UEVLD: variants seen among roughly 807,000 people sequenced by gnomAD.
UEVLD encodes the protein UEV and lactate/malate dehyrogenase domains.
Under a neutral mutation model 58.6 loss-of-function variants are expected in UEVLD, and 47 were observed. That is an observed-to-expected ratio of 0.80 (90% CI 0.63 to 1.02). The LOEUF is 1.02. Among genes scored for constraint, UEVLD ranks in the 50% least tolerant of loss-of-function variants. The pLI, the probability that UEVLD is intolerant of heterozygous loss-of-function variation, is 0.00. For missense variants in UEVLD, 510 were observed against 550.6 expected, an observed-to-expected ratio of 0.93 and a Z score of 0.74; for synonymous variants, 197 against 195.3, an observed-to-expected ratio of 1.01 and a Z score of -0.07.
At chr11:18,543,714 A>G (rs181805650) in intron 9 of UEVLD, among the ~76,000 whole-genome samples, 13 of 152,366 alleles carry the variant, frequency 8.5e-5, no homozygotes, top group African/African-American at 2.9e-4. Context: ...TAAATCACTG[A>G]CCAACCTGGC....
chr11:18,578,906 T>TG, intron 1 of UEVLD, 98 bp from the exon 2 acceptor site: 1 of 777,992 alleles, frequency 1.3e-6, no homozygotes. Context: ...CTCACTCTGT[T>TG]GCCCAGGCTG....
At chr11:18,542,194 T>C (rs1851083561) in intron 9 of UEVLD, among the ~76,000 whole-genome samples, 1 of 152,130 alleles carries the variant, frequency 6.6e-6, no homozygotes, top group South Asian at 2.1e-4. Flanking sequence ...ATTATTATTA[T>C]TTTCACATCA....
intron 1 of UEVLD, chr11:18,579,610 T>C (rs1267044818): frequency 4.9e-6 from 2 of 407,256 alleles, no homozygotes; most frequent in Non-Finnish European, 6.6e-6. Context: ...TAGTCAGGTG[T>C]GTGAACTGCC....
Position 18,564,909 on chromosome 11 carries a change from A to C in UEVLD, c.595T>G (p.Leu199Val). 1 of 1,611,128 alleles carries C rather than the reference A, an allele frequency of 6.2e-7. No individual in the cohort carries two copies. Among genetic ancestry groups the C allele is most frequent in the Non-Finnish European group, 8.5e-7 (1 of 1,178,142 alleles). The change falls in exon 6 of 12, where the codon TTA becomes GTA. Residue 199 changes from leucine to valine, a missense_variant. Leu to Val is a conservative substitution (Grantham distance 32). Coordinates refer to ENST00000396197, the MANE Select transcript of UEVLD (RefSeq NM_001040697.4). ...GGGELGIACT[L>V]AISAKGIADR... Reference sequence around the variant, plus strand: ...TTACATACCTTTGCTGAAATTGCTAATGTGCAGGCAATACCGAGTTCTCCA... The same window carrying C: ...TTACATACCTTTGCTGAAATTGCTACTGTGCAGGCAATACCGAGTTCTCCA...
chr11:18,547,500 C>G (rs915094290), intron 7 of UEVLD, among the ~76,000 whole-genome samples: 3 of 152,050 alleles, frequency 2.0e-5, no homozygotes, highest in Non-Finnish European at 2.9e-5. Flanking sequence ...TCCAGAGTCT[C>G]GTGACAGAGT....
intron 11 of UEVLD, among the ~76,000 whole-genome samples, chr11:18,533,421 A>G (rs887894350): frequency 1.3e-5 from 2 of 151,642 alleles, no homozygotes; most frequent in East Asian, 3.9e-4. Context: ...AATATGTGAT[A>G]TTTGTCTTTC....
intron 6 of UEVLD, among the ~76,000 whole-genome samples, chr11:18,560,527 A>G (rs1049644505): frequency 6.6e-6 from 1 of 152,216 alleles, no homozygotes; most frequent in East Asian, 1.9e-4. Context: ...TATAGAAATC[A>G]TCCTACAAAT....
intron 2 of UEVLD, among the ~76,000 whole-genome samples, chr11:18,576,137 C>T (rs1590368380): frequency 6.6e-6 from 1 of 152,220 alleles, no homozygotes; most frequent in African/African-American, 2.4e-5. Flanking sequence ...TTGGGAAGAA[C>T]TTAATTTATA....
At chr11:18,551,422 CAAA>C (rs34545423) in intron 7 of UEVLD, among the ~76,000 whole-genome samples, 4 of 67,360 alleles carry the variant, frequency 5.9e-5, no homozygotes, top group African/African-American at 6.4e-5. Context: ...GACTCCATCA[CAAA>C]AAAAAAAAAA....
chr11:18,539,084 T>G (rs1489526297), intron 9 of UEVLD: 2 of 147,464 alleles, frequency 1.4e-5, no homozygotes, highest in Non-Finnish European at 3.0e-5. Flanking sequence ...GTTTTTTTTT[T>G]TTTTTTTTTT....
At chr11:18,560,674 A>G (rs1319677820) in intron 6 of UEVLD, among the ~76,000 whole-genome samples, 1 of 152,200 alleles carries the variant, frequency 6.6e-6, no homozygotes, top group Non-Finnish European at 1.5e-5. Flanking sequence ...GTCACCATGT[A>G]ATCAATCCGT....
At chr11:18,586,070 T>C (rs1853544637) in intron 1 of UEVLD, among the ~76,000 whole-genome samples, 1 of 152,236 alleles carries the variant, frequency 6.6e-6, no homozygotes. Flanking sequence ...GAACTGACAA[T>C]CTTCACATCT....
intron 7 of UEVLD, among the ~76,000 whole-genome samples, chr11:18,553,871 T>G (rs1179394165): frequency 2.0e-5 from 3 of 152,186 alleles, no homozygotes; most frequent in Non-Finnish European, 4.4e-5. Flanking sequence ...GCTCAATGTG[T>G]ACAGAGCTTC....
chr11:18,566,122 C>G (rs946437071), intron 5 of UEVLD, among the ~76,000 whole-genome samples: 1 of 152,026 alleles, frequency 6.6e-6, no homozygotes, highest in African/African-American at 2.4e-5. Context: ...TGGTCTCCAA[C>G]TCCTGACCTC....
intron 1 of UEVLD, chr11:18,579,590 G>A (rs1250706070): frequency 4.3e-6 from 3 of 701,360 alleles, no homozygotes; most frequent in African/African-American, 3.9e-5. Context: ...ACAAAAGCAT[G>A]CAAGTTTTGT....
chr11:18,578,005 G>A (rs1853021598), intron 2 of UEVLD, among the ~76,000 whole-genome samples: 1 of 151,996 alleles, frequency 6.6e-6, no homozygotes, highest in Admixed American at 6.6e-5. Context: ...CATATGATAG[G>A]CCGAATAAAG....
At chr11:18,558,130 G>T in intron 7 of UEVLD, 98 bp downstream of exon 7, 2 of 768,872 alleles carry the variant, frequency 2.6e-6, no homozygotes, top group South Asian at 2.8e-5. Flanking sequence ...TGAGAGACTT[G>T]GACAAGGTGA....
chr11:18,540,767 C>T (rs182110493), intron 9 of UEVLD, among the ~76,000 whole-genome samples: 119 of 152,300 alleles, frequency 7.8e-4, no homozygotes, highest in African/African-American at 2.7e-3. Flanking sequence ...CACATCTCTT[C>T]CCTGTGGTTT....
chr11:18,538,108 A>G (rs571422597), intron 9 of UEVLD, among the ~76,000 whole-genome samples: 1 of 152,348 alleles, frequency 6.6e-6, no homozygotes, highest in East Asian at 1.9e-4. Context: ...GCTATAGAAT[A>G]ATATGTTTAA....
Sources: allele counts gnomAD v4.1 joint callset (sites outside exome capture counted in the v4.1 genomes callset), GRCh38; gene constraint gnomAD v4.1.1; transcripts MANE v1.5; gene names NCBI Gene and HGNC (gene_info 2026-07-23, HGNC 2026-07-21).